ZNF268: variants seen among roughly 807,000 people sequenced by gnomAD.
ZNF268 encodes zinc finger protein 3.
ZNF268 carries 20 observed loss-of-function variants against 29.3 expected under a neutral mutation model. That is an observed-to-expected ratio of 0.68 (90% confidence interval 0.48 to 0.99). The LOEUF is 0.99. Ranked by LOEUF, ZNF268 falls within the 50% of genes least tolerant of loss-of-function variation. ZNF268 has a pLI of 0.00. For missense variants in ZNF268, 1,240 were observed against 1,121.6 expected, an observed-to-expected ratio of 1.11 and a Z score of -1.51; for synonymous variants, 429 against 376.9, an observed-to-expected ratio of 1.14 and a Z score of -1.60.
At chr12:133,193,938 G>T (rs1026014257) in intron 5 of ZNF268, among the ~76,000 whole-genome samples, 4 of 151,874 alleles carry the variant, frequency 2.6e-5, no homozygotes, top group African/African-American at 2.4e-5. Flanking sequence ...TAAATTCTAA[G>T]TTTTTTTTCC....
chr12:133,204,628 A>G lies in ZNF268; in HGVS notation c.*98A>G, dbSNP rs915324707. 19 of 942,126 alleles carry G rather than the reference A, an allele frequency of 2.0e-5. No individual in the cohort carries two copies. The African/African-American group carries it at 2.1e-4, about 11-fold the overall frequency. The allele number at this position is 942,126 out of a possible 1,614,324, so 58.4% of individuals were successfully genotyped here. On this transcript the variant is annotated 3_prime_UTR_variant, in exon 6 of 6. Transcript: ENST00000536435. ...GTGGAATCATCTTGTCATCTTCCAG[A>G]AAACTCATACTGAATAGAAACTTTA...
At position 133,204,565 on chromosome 12, in the gene ZNF268, GAGAT is replaced by G. The variant is rs1239639667; in HGVS notation, c.*39_*42del. On this transcript the variant is annotated 3_prime_UTR_variant, in exon 6 of 6. Coordinates refer to ENST00000536435, the MANE Select transcript of ZNF268 (RefSeq NM_003415.3). ...GAAACTCTGAAAAGTGGATTCACAA[GAGAT>G]AGAAACAATCATATATAAAGAGAAA... The G allele has an allele frequency of 4.2e-6, 6 of 1,413,382 alleles. No homozygotes were observed. The Admixed American group carries it at 1.6e-4, about 37-fold the overall frequency. 87.6% of individuals were successfully genotyped at this position (1,413,382 alleles called of 1,614,324 possible).
At chr12:133,193,559 A>G (rs1365545859) in intron 5 of ZNF268, 3 of 644,434 alleles carry the variant, frequency 4.7e-6, no homozygotes, top group Non-Finnish European at 8.3e-6. Flanking sequence ...GGACAGAAAG[A>G]GGGGCAAAAA....
Position 133,212,487 on chromosome 12 carries a change from A to ATATATG in ZNF268, c.*7962_*7963insGTATAT, listed in dbSNP as rs1956998939. ...TATATATATATATATATATATATAT[A>ATATATG]TATATATATATGTATATATACACAC... On this transcript the variant is annotated 3_prime_UTR_variant, in exon 6 of 6. Transcript: ENST00000536435. 9.1e-5 allele frequency: 2 copies of ATATATG among 21,902 alleles called. No individual in the cohort carries two copies. Among genetic ancestry groups the ATATATG allele is most frequent in the East Asian group, 3.7e-3 (1 of 270 alleles). 1.4% of individuals were successfully genotyped at this position (21,902 alleles called of 1,614,324 possible). A position where few individuals can be genotyped will look rare whatever the true frequency, so the allele number is the denominator to read the frequency against.
At chr12:133,193,583 T>C (rs1325273681) in intron 5 of ZNF268, 1 of 608,136 alleles carries the variant, frequency 1.6e-6, no homozygotes, top group Non-Finnish European at 2.9e-6. Flanking sequence ...CCTAAGATCA[T>C]TCCCTCAAGC....
Position 133,193,186 on chromosome 12 carries a change from A to G in ZNF268, c.457+1183A>G, listed in dbSNP as rs533344462. On this transcript the variant is annotated intron_variant, in intron 5 of 5. Transcript: ENST00000536435. ...GTAACTTTTAAAAGACTTACGCATT[A>G]GCTGAGCATGGTGGTGTGCACCTGT... Among the ~76,000 whole-genome samples, 223 of 152,200 alleles carry G rather than the reference A, an allele frequency of 1.5e-3. 2 individuals carry two copies. Among genetic ancestry groups the G allele is most frequent in the African/African-American group, 5.0e-3 (209 of 41,500 alleles).
chr12:133,189,640 G>A (rs916448554), intron 3 of ZNF268, among the ~76,000 whole-genome samples: 2 of 152,084 alleles, frequency 1.3e-5, no homozygotes, highest in African/African-American at 4.8e-5. Flanking sequence ...ACTTTCTTAG[G>A]TTTTTTGGTA....
chr12:133,207,219 A>G lies in ZNF268; in HGVS notation c.*2689A>G, dbSNP rs1309469683. 1 of 152,252 alleles carries G rather than the reference A, an allele frequency of 6.6e-6. No individual in the cohort carries two copies. Among genetic ancestry groups the G allele is most frequent in the East Asian group, 1.9e-4 (1 of 5,208 alleles). 9.4% of individuals were successfully genotyped at this position (152,252 alleles called of 1,614,324 possible). ...TAGTTATTATAAGGAAAATCCAAGG[A>G]AAAATAACCCCAATATTTTACAACT... is the stretch of plus-strand genomic sequence containing the variant. On this transcript the variant is annotated 3_prime_UTR_variant, in exon 6 of 6. Coordinates refer to ENST00000536435, the MANE Select transcript of ZNF268 (RefSeq NM_003415.3).
At chr12:133,196,852 T>C (rs1200925749) in intron 5 of ZNF268, among the ~76,000 whole-genome samples, 2 of 152,132 alleles carry the variant, frequency 1.3e-5, no homozygotes, top group Non-Finnish European at 2.9e-5. Flanking sequence ...AATTTGATGG[T>C]TGTATACAAA....
At position 133,204,795 on chromosome 12, in the gene ZNF268, C is replaced by T. The variant is rs1251291103; in HGVS notation, c.*265C>T. On this transcript the variant is annotated 3_prime_UTR_variant, in exon 6 of 6. Coordinates refer to ENST00000536435, the MANE Select transcript of ZNF268 (RefSeq NM_003415.3). ...AAGTCATACCTTTTTTTAAAAAGTTCATACAGGTGAGGAACCATGTTAAAC... is the reference window on the plus strand; with the variant it reads ...AAGTCATACCTTTTTTTAAAAAGTTTATACAGGTGAGGAACCATGTTAAAC... 1.7e-5 allele frequency: 6 copies of T among 362,812 alleles called. No individual in the cohort carries two copies. Among genetic ancestry groups the T allele is most frequent in the South Asian group, 6.7e-5 (1 of 14,864 alleles). The allele number at this position is 362,812 out of a possible 1,614,324, so 22.5% of individuals were successfully genotyped here.
intron 5 of ZNF268, among the ~76,000 whole-genome samples, chr12:133,194,916 A>G (rs2135504819): frequency 7.6e-6 from 1 of 132,008 alleles, no homozygotes; most frequent in South Asian, 2.3e-4. Context: ...TGGTTCTTGT[A>G]CTACATTAAT....
intron 2 of ZNF268, among the ~76,000 whole-genome samples, chr12:133,185,645 A>G (rs1321090322): frequency 1.3e-5 from 2 of 151,938 alleles, no homozygotes; most frequent in African/African-American, 4.8e-5. Context: ...TGGCGCTAAG[A>G]CAGGGAGCAA....
intron 2 of ZNF268, among the ~76,000 whole-genome samples, chr12:133,186,668 G>T (rs1271433104): frequency 6.6e-6 from 1 of 152,024 alleles, no homozygotes; most frequent in Non-Finnish European, 1.5e-5. Context: ...ATGAGCCACT[G>T]CGCCCAGCCT....
At chr12:133,201,998 G>T (rs578008480) in intron 5 of ZNF268, 146 bp from the exon 6 acceptor site, 1 of 581,678 alleles carries the variant, frequency 1.7e-6, no homozygotes, top group East Asian at 3.0e-5. Context: ...AAAACCTCAT[G>T]ATATGGCATT....
chr12:133,203,617 A>C lies in ZNF268; in HGVS notation c.1931A>C (p.Glu644Ala). ...HTGEKPYSCN[E>A]CGKAFTFKSQ... ...GGAGAGAAACCCTATAGTTGTAATGAATGTGGAAAAGCCTTTACGTTCAAA... is the reference window on the plus strand; with the variant it reads ...GGAGAGAAACCCTATAGTTGTAATGCATGTGGAAAAGCCTTTACGTTCAAA... The change falls in exon 6 of 6, where the codon GAA becomes GCA. Residue 644 changes from glutamate (E) to alanine (A), a missense_variant. Glu to Ala is a moderately radical substitution (Grantham distance 107, BLOSUM62 -1). Transcript: ENST00000536435. 1 of 1,568,384 alleles carries C rather than the reference A, an allele frequency of 6.4e-7. No individual in the cohort carries two copies. Among genetic ancestry groups the C allele is most frequent in the Non-Finnish European group, 8.6e-7 (1 of 1,160,442 alleles).
rs1448683279 is a variant in ZNF268, at chr12:133,209,164, G to A, written c.*4634G>A. On this transcript the variant is annotated 3_prime_UTR_variant, in exon 6 of 6. Transcript: ENST00000536435. ...TCACCATGTTGGCCAGGCTGGTCTTGAACTCCTGACCTCGTGATCCACCCT... is the reference window on the plus strand; with the variant it reads ...TCACCATGTTGGCCAGGCTGGTCTTAAACTCCTGACCTCGTGATCCACCCT... 2.6e-5 allele frequency: 4 copies of A among 152,114 alleles called. No individual in the cohort carries two copies. The highest frequency in any genetic ancestry group is 4.8e-5 in the African/African-American group (2 of 41,410). The allele number at this position is 152,114 out of a possible 1,614,324, so 9.4% of individuals were successfully genotyped here. A position where few individuals can be genotyped will look rare whatever the true frequency, so the allele number is the denominator to read the frequency against.
At position 133,202,680 on chromosome 12, in the gene ZNF268, CATGAATGCA is replaced by C. The variant is rs1566381642; in HGVS notation, c.995_1003del (p.His332_Ser335delinsArg). 6.2e-7 allele frequency: 1 copy of C among 1,608,804 alleles called. No individual in the cohort carries two copies. Among genetic ancestry groups the C allele is most frequent in the Non-Finnish European group, 8.5e-7 (1 of 1,177,358 alleles). On this transcript the variant is annotated inframe_deletion, in exon 6 of 6. Coordinates refer to ENST00000536435, the MANE Select transcript of ZNF268 (RefSeq NM_003415.3). Reference sequence around the variant, plus strand: ...GAGAATTCATACAGGAGAGAAACTACATGAATGCAGTGAATGCAGGAAAACATTCAGTTT... The same window carrying C: ...GAGAATTCATACAGGAGAGAAACTACGTGAATGCAGGAAAACATTCAGTTT...
intron 5 of ZNF268, among the ~76,000 whole-genome samples, chr12:133,193,902 T>C (rs1349755827): frequency 1.3e-5 from 2 of 152,190 alleles, no homozygotes; most frequent in Non-Finnish European, 2.9e-5. Context: ...CTTTTCATCT[T>C]TCTTCTCTTT....
chr12:133,193,564 C>A, intron 5 of ZNF268: 2 of 632,620 alleles, frequency 3.2e-6, no homozygotes, highest in South Asian at 1.9e-5. Flanking sequence ...GAAAGAGGGG[C>A]AAAAAAGGCC....
Sources: allele counts gnomAD v4.1 joint callset (sites outside exome capture counted in the v4.1 genomes callset), GRCh38; gene constraint gnomAD v4.1.1; transcripts MANE v1.5; gene names NCBI Gene and HGNC (gene_info 2026-07-23, HGNC 2026-07-21).